The following APBB2 variants were observed in gnomAD, a reference collection of about 807,000 sequenced individuals.
The protein encoded by APBB2 is Fe65-like 1.
A neutral mutation model predicts 82.5 loss-of-function variants in APBB2; 38 were observed. The ratio of observed to expected loss-of-function variants is 0.46; its 90% CI spans 0.36 to 0.60. The LOEUF (loss-of-function observed/expected upper bound fraction) is 0.60. APBB2 is among the 20% of genes least tolerant of loss of function. The pLI, the probability that APBB2 is intolerant of heterozygous loss-of-function variation, is 0.00. For synonymous variants in APBB2, 341 were observed against 368.2 expected (o/e 0.93, Z 0.85); for missense variants, 772 against 972.3 (o/e 0.79, Z 2.74).
At chr4:40,834,869 C>T (rs1441165921) in intron 12 of APBB2, among the ~76,000 whole-genome samples, 2 of 152,110 alleles carry the variant, frequency 1.3e-5, no homozygotes, top group Admixed American at 6.5e-5. Flanking sequence ...AATCAAGTGG[C>T]GTGGCGTTAG....
At chr4:40,910,593 C>G (rs1385439327) in intron 10 of APBB2, among the ~76,000 whole-genome samples, 3 of 152,196 alleles carry the variant, frequency 2.0e-5, no homozygotes, top group Non-Finnish European at 4.4e-5. Flanking sequence ...GTTCTATTAG[C>G]AGAAATGCTC....
chr4:41,021,563 C>A (rs1051246374), intron 5 of APBB2, among the ~76,000 whole-genome samples: 2 of 152,196 alleles, frequency 1.3e-5, no homozygotes, highest in African/African-American at 4.8e-5. Flanking sequence ...TAAAAACGCA[C>A]CAATCAGCCC....
chr4:40,911,481 A>G (rs969612907), intron 10 of APBB2, among the ~76,000 whole-genome samples: 7 of 152,370 alleles, frequency 4.6e-5, no homozygotes, highest in African/African-American at 1.7e-4. Context: ...CTAGTGATAT[A>G]AAAGTCATAT....
intron 5 of APBB2, among the ~76,000 whole-genome samples, chr4:41,015,351 G>A (rs1809608200): frequency 6.6e-6 from 1 of 152,198 alleles, no homozygotes; most frequent in Admixed American, 6.5e-5. Context: ...CTCAATCTAT[G>A]AGGAGTGACT....
chr4:40,830,432 A>G lies in APBB2; in HGVS notation c.1644+31T>C, dbSNP rs368670723. 1.6e-4 allele frequency: 233 copies of G among 1,466,098 alleles called. 3 individuals carry two copies. In the East Asian group the frequency reaches 5.2e-3, roughly 32 times the overall value. The allele number at this position is 1,466,098 out of a possible 1,614,324, so 90.8% of individuals were successfully genotyped here. A position where few individuals can be genotyped will look rare whatever the true frequency, so the allele number is the denominator to read the frequency against. On this transcript the variant is annotated intron_variant, in intron 13 of 17. Transcript: ENST00000508593. ...TTTATGCAGCAAGAAAAAAAGAGAG[A>G]GGCGGCCCATACTGCCCTGACCCAC...
intron 1 of APBB2, among the ~76,000 whole-genome samples, chr4:41,168,162 G>A (rs181718905): frequency 0.084 from 12,700 of 151,514 alleles, 627 homozygotes; most frequent in African/African-American, 0.13. Context: ...CCAGCTACTC[G>A]GGAGGCTGAG....
chr4:41,114,597 T>C (rs1002735607), intron 2 of APBB2, among the ~76,000 whole-genome samples: 1 of 152,234 alleles, frequency 6.6e-6, no homozygotes, highest in African/African-American at 2.4e-5. Flanking sequence ...CAAAATCTCC[T>C]TAAGCTGATA....
At chr4:40,999,260 G>C (rs1050300204) in intron 6 of APBB2, among the ~76,000 whole-genome samples, 2 of 152,044 alleles carry the variant, frequency 1.3e-5, no homozygotes, top group African/African-American at 4.8e-5. Context: ...GGGCAATATA[G>C]GGAGACCCTG....
chr4:41,159,961 G>GAAGAAGAAGAAGAAGAAGA (rs1560913423), intron 1 of APBB2, among the ~76,000 whole-genome samples: 7 of 31,988 alleles, frequency 2.2e-4, no homozygotes, highest in African/African-American at 4.2e-4. Context: ...GAAGGAGAAG[G>GAAGAAGAAGAAGAAGAAGA]AGAAGAAGAA....
chr4:41,165,871 C>CT (rs1560931409), intron 1 of APBB2, among the ~76,000 whole-genome samples: 1 of 148,516 alleles, frequency 6.7e-6, no homozygotes, highest in African/African-American at 2.6e-5. Context: ...TGTCAGGCCC[C>CT]CTTTTTTTTT....
At chr4:40,949,172 A>AGGCACAGAATTGCTTGAACCC (rs1156326520) in intron 6 of APBB2, among the ~76,000 whole-genome samples, 9 of 151,800 alleles carry the variant, frequency 5.9e-5, no homozygotes, top group African/African-American at 2.2e-4. Flanking sequence ...CGGGAGGCTG[A>AGGCACAGAATTGCTTGAACCC]GGCACAGAAT....
intron 2 of APBB2, among the ~76,000 whole-genome samples, chr4:41,140,730 T>A (rs1395371217): frequency 1.3e-5 from 2 of 152,188 alleles, no homozygotes; most frequent in African/African-American, 4.8e-5. Flanking sequence ...CTCTGCCCCC[T>A]GACAGATCAG....
chr4:40,997,888 T>C (rs1294771508), intron 6 of APBB2, among the ~76,000 whole-genome samples: 3 of 152,208 alleles, frequency 2.0e-5, no homozygotes, highest in Non-Finnish European at 4.4e-5. Flanking sequence ...CATAAAGTGC[T>C]TCCATGGCAT....
intron 6 of APBB2, among the ~76,000 whole-genome samples, chr4:40,993,945 C>T (rs912733713): frequency 3.3e-5 from 5 of 152,096 alleles, no homozygotes; most frequent in African/African-American, 9.6e-5. Flanking sequence ...CCACTACCTG[C>T]GTCTGAGTCT....
chr4:41,027,720 T>C (rs372822295), intron 5 of APBB2, among the ~76,000 whole-genome samples: 1 of 152,330 alleles, frequency 6.6e-6, no homozygotes, highest in Middle Eastern at 3.4e-3. Context: ...CTACTATGTA[T>C]ACCAAGGCCA....
intron 2 of APBB2, among the ~76,000 whole-genome samples, chr4:41,112,462 G>A (rs1038248197): frequency 4.6e-5 from 7 of 152,180 alleles, no homozygotes; most frequent in Non-Finnish European, 7.3e-5. Context: ...GCCTGGCAGC[G>A]CCCTGCACAC....
At chr4:41,006,632 T>C (rs1383291171) in intron 6 of APBB2, among the ~76,000 whole-genome samples, 1 of 152,004 alleles carries the variant, frequency 6.6e-6, no homozygotes, top group East Asian at 1.9e-4. Flanking sequence ...GCCTGCTAAT[T>C]GTTTTGTATT....
chr4:40,952,724 A>G (rs1424248732), intron 6 of APBB2, among the ~76,000 whole-genome samples: 3 of 152,250 alleles, frequency 2.0e-5, no homozygotes, highest in Admixed American at 6.5e-5. Flanking sequence ...AATCCCAGCT[A>G]GAAGTCAAGG....
At chr4:41,025,520 G>A (rs938871989) in intron 5 of APBB2, among the ~76,000 whole-genome samples, 46 of 151,774 alleles carry the variant, frequency 3.0e-4, no homozygotes, top group African/African-American at 1.1e-3. Flanking sequence ...ATACTCAGAG[G>A]AATATAAATC....
Sources: gnomAD v4.1 joint callset for allele counts (sites outside exome capture counted in the v4.1 genomes callset) on GRCh38, gnomAD v4.1.1 for gene constraint, MANE v1.5 for transcripts, NCBI Gene and HGNC (gene_info 2026-07-23, HGNC 2026-07-21) for gene names.